PFKFB4: variants seen among roughly 807,000 people sequenced by gnomAD.
PFKFB4 encodes the protein 6-phosphofructo-2-kinase/fructose-2,6-biphosphatase 4.
A neutral mutation model predicts 62.8 loss-of-function variants in PFKFB4; 42 were observed. That is an observed-to-expected ratio of 0.67 (90% confidence interval 0.52 to 0.86). The LOEUF is 0.86. PFKFB4 is among the 40% of genes least tolerant of loss of function. PFKFB4 has a pLI of 0.00. For missense variants in PFKFB4, 475 were observed against 627.2 expected, an observed-to-expected ratio of 0.76 and a Z score of 2.59; for synonymous variants, 204 against 240.7, an observed-to-expected ratio of 0.85 and a Z score of 1.41.
chr3:48,519,110 A>G lies in PFKFB4; in HGVS notation c.*637T>C, dbSNP rs1256310008. On this transcript the variant is annotated 3_prime_UTR_variant, in exon 14 of 14. Coordinates refer to ENST00000232375, the MANE Select transcript of PFKFB4 (RefSeq NM_004567.4). ...CTGTGCATCCCAATGTGCTGAAGCA[A>G]GCGCATTGCTTTCATGAATGCCCAC... The G allele has an allele frequency of 6.6e-6, 1 of 152,242 alleles. No individual in the cohort carries two copies. The highest frequency in any genetic ancestry group is 2.4e-5 in the African/African-American group (1 of 41,454). 9.4% of individuals were successfully genotyped at this position (152,242 alleles called of 1,614,324 possible). A position where few individuals can be genotyped will look rare whatever the true frequency, so the allele number is the denominator to read the frequency against.
rs193290135 is a variant in PFKFB4, at chr3:48,520,464, C to T, written c.1351-658G>A. Reference sequence around the variant, plus strand: ...GTGCCCCAGAGCCTGGTGGCCCCTCCTCCCAGCTGTGGGCCCCGGAACCAT... The same window carrying T: ...GTGCCCCAGAGCCTGGTGGCCCCTCTTCCCAGCTGTGGGCCCCGGAACCAT... On this transcript the variant is annotated intron_variant, in intron 13 of 13. Transcript: ENST00000232375. 2.7e-4 allele frequency among the ~76,000 whole-genome samples: 41 copies of T among 152,294 alleles called. 1 individual carries two copies. Among genetic ancestry groups the T allele is most frequent in the African/African-American group, 9.4e-4 (39 of 41,546 alleles).
chr3:48,554,631 C>T (rs1278461739), intron 1 of PFKFB4, among the ~76,000 whole-genome samples: 1 of 152,198 alleles, frequency 6.6e-6, no homozygotes, highest in East Asian at 1.9e-4. Flanking sequence ...CTTCCTCTCA[C>T]CTGTAACGGG....
chr3:48,535,954 G>A (rs1395828145), intron 8 of PFKFB4, among the ~76,000 whole-genome samples: 2 of 152,170 alleles, frequency 1.3e-5, no homozygotes, highest in South Asian at 2.1e-4. Context: ...GTCTCCCCTG[G>A]ACTGTGGCAC....
chr3:48,546,624 T>C (rs2042972971), intron 3 of PFKFB4, among the ~76,000 whole-genome samples: 2 of 152,246 alleles, frequency 1.3e-5, no homozygotes, highest in Admixed American at 1.3e-4. Flanking sequence ...CTTGTGAGGT[T>C]GGCCCTTGGC....
Position 48,549,916 on chromosome 3 carries a change from T to C in PFKFB4, c.259A>G (p.Lys87Glu). 1 of 1,613,954 alleles carries C rather than the reference T, an allele frequency of 6.2e-7. No individual in the cohort carries two copies. The highest frequency in any genetic ancestry group is 1.1e-5 in the South Asian group (1 of 91,082). The change falls in exon 3 of 14, where the codon AAA becomes GAA. Residue 87 changes from lysine to glutamate, a missense_variant. Physicochemically the swap from Lys to Glu is moderately conservative, Grantham distance 56. Coordinates refer to ENST00000232375, the MANE Select transcript of PFKFB4 (RefSeq NM_004567.4). ...TCGGGGAGAAAAAATTCAAAAGATTTGTAGGTCTTGACCACGTCCCGGCGA... is the reference window on the plus strand; with the variant it reads ...TCGGGGAGAAAAAATTCAAAAGATTCGTAGGTCTTGACCACGTCCCGGCGA... Reference protein sequence around the residue: ...QYRRDVVKTYKSFEFFLPDNE... With the variant: ...QYRRDVVKTYESFEFFLPDNE...
intron 3 of PFKFB4, among the ~76,000 whole-genome samples, chr3:48,545,141 T>C (rs2042922843): frequency 6.6e-6 from 1 of 151,960 alleles, no homozygotes; most frequent in Non-Finnish European, 1.5e-5. Context: ...TTTGTGTTTT[T>C]TGTTTTTTGA....
rs752957380 is a variant in PFKFB4 at position 48,543,579 on chromosome 3, C to T, written c.378+1G>A. 2.5e-6 allele frequency: 4 copies of T among 1,607,682 alleles called. No homozygotes were observed. Among genetic ancestry groups the T allele is most frequent in the Non-Finnish European group, 3.4e-6 (4 of 1,177,444 alleles). ...AGCTGTCACCAGGGTGTCACACTCA[C>T]CGCCACATGTCCCCCCTCCTCACTA... On this transcript the variant is annotated splice_donor_variant, in intron 4 of 13. Transcript: ENST00000232375. LOFTEE classifies it high-confidence loss of function.
At chr3:48,533,854 C>CA (rs1032528109) in intron 9 of PFKFB4, among the ~76,000 whole-genome samples, 1 of 151,922 alleles carries the variant, frequency 6.6e-6, no homozygotes, top group African/African-American at 2.4e-5. Flanking sequence ...ACCTCCGTCT[C>CA]AAAAAAATAA....
At chr3:48,536,686 G>A (rs1026290198) in intron 7 of PFKFB4, 5 of 543,254 alleles carry the variant, frequency 9.2e-6, no homozygotes, top group African/African-American at 5.7e-5. Flanking sequence ...GAGATGGGAG[G>A]TGCTCGTCAC....
chr3:48,544,807 T>A (rs1354418799), intron 3 of PFKFB4, among the ~76,000 whole-genome samples: 1 of 151,798 alleles, frequency 6.6e-6, no homozygotes, highest in Non-Finnish European at 1.5e-5. Context: ...CACTGTAACC[T>A]CTGCCTCCCA....
intron 3 of PFKFB4, among the ~76,000 whole-genome samples, chr3:48,546,791 T>C (rs996789517): frequency 2.0e-5 from 3 of 152,238 alleles, no homozygotes; most frequent in African/African-American, 7.2e-5. Flanking sequence ...TTTTGGTACA[T>C]GCTAGGCACA....
intron 9 of PFKFB4, among the ~76,000 whole-genome samples, chr3:48,534,217 A>C (rs541692648): frequency 6.6e-6 from 1 of 152,222 alleles, no homozygotes; most frequent in Non-Finnish European, 1.5e-5. Context: ...GAAGAAATTA[A>C]AAAACCAGAA....
chr3:48,539,375 C>A, intron 5 of PFKFB4, 65 bp from the exon 6 acceptor site: 1 of 1,382,744 alleles, frequency 7.2e-7, no homozygotes, highest in South Asian at 1.2e-5. Flanking sequence ...CAGGGCCTCC[C>A]GCCTTGCTCC....
chr3:48,531,389 C>T (rs770518573), intron 9 of PFKFB4, among the ~76,000 whole-genome samples: 2 of 151,138 alleles, frequency 1.3e-5, no homozygotes, highest in Non-Finnish European at 1.5e-5. Flanking sequence ...CCCAGCTACT[C>T]GGGAGGCTGA....
rs756534987 is a variant in PFKFB4, at chr3:48,543,581, G to A, written c.377C>T (p.Ala126Val). ...RFLSEEGGHV[A>V]VFDATNTTRE... ...CTGTCACCAGGGTGTCACACTCACCGCCACATGTCCCCCCTCCTCACTAAG... is the reference window on the plus strand; with the variant it reads ...CTGTCACCAGGGTGTCACACTCACCACCACATGTCCCCCCTCCTCACTAAG... Residue 126 changes from alanine (A) to valine (V), a missense_variant and splice_region_variant, in exon 4 of 14, where the codon GCG becomes GTG. Transcript: ENST00000232375. The A allele has an allele frequency of 6.2e-6, 10 of 1,607,908 alleles. No homozygotes were observed. Among genetic ancestry groups the A allele is most frequent in the Admixed American group, 1.7e-5 (1 of 59,172 alleles).
intron 9 of PFKFB4, among the ~76,000 whole-genome samples, chr3:48,532,286 G>A (rs1467136409): frequency 6.6e-6 from 1 of 152,048 alleles, no homozygotes; most frequent in Non-Finnish European, 1.5e-5. Flanking sequence ...CTCCAGCCTG[G>A]GCGACAGAGC....
At position 48,519,684 on chromosome 3, in the gene PFKFB4, G is replaced by T; in HGVS notation, c.*63C>A. 1.7e-6 allele frequency: 2 copies of T among 1,202,084 alleles called. No homozygotes were observed. Among genetic ancestry groups the T allele is most frequent in the Non-Finnish European group, 1.2e-6 (1 of 807,390 alleles). 74.5% of individuals were successfully genotyped at this position (1,202,084 alleles called of 1,614,324 possible). A position where few individuals can be genotyped will look rare whatever the true frequency, so the allele number is the denominator to read the frequency against. On this transcript the variant is annotated 3_prime_UTR_variant, in exon 14 of 14. Coordinates refer to ENST00000232375, the MANE Select transcript of PFKFB4 (RefSeq NM_004567.4). ...TGGTGACTATCACACACACTGGAGG[G>T]CCTGGAATGACCCCCTCTGCAGAGA...
At chr3:48,561,206 TGC>T, upstream of PFKFB4, 1 of 628,450 alleles carries the variant, frequency 1.6e-6, no homozygotes, top group Middle Eastern at 5.0e-4. This position sits in a 1 kb window ranked among gnomAD's most constrained non-coding sequence, Gnocchi z 5.2. Context: ...AAGCGACTCC[TGC>T]GGCTCCTGCA....
chr3:48,545,292 C>A (rs1560172927), intron 3 of PFKFB4, among the ~76,000 whole-genome samples: 1 of 152,108 alleles, frequency 6.6e-6, no homozygotes, highest in African/African-American at 2.4e-5. Context: ...CCACCACACC[C>A]AGCTAATTTT....
Sources: gnomAD v4.1 joint callset for allele counts (sites outside exome capture counted in the v4.1 genomes callset) on GRCh38, gnomAD v4.1.1 for gene constraint, Gnocchi (gnomAD v3.1) non-coding constraint, MANE v1.5 for transcripts, NCBI Gene and HGNC (gene_info 2026-07-23, HGNC 2026-07-21) for gene names.